The following PDE3B variants were observed in gnomAD, a reference collection of about 807,000 sequenced individuals.
The protein encoded by PDE3B is phosphodiesterase 3B.
A neutral mutation model predicts 116.8 loss-of-function variants in PDE3B; 66 were observed. That is an observed-to-expected ratio of 0.56 (90% CI 0.46 to 0.69). The LOEUF is 0.69. PDE3B is among the 30% of genes least tolerant of loss of function. The probability of loss-of-function intolerance (pLI) is 0.00; values close to 1 mark genes in which losing one functional copy is unlikely to be tolerated. For synonymous variants in PDE3B, 595 were observed against 533.6 expected (o/e 1.12, Z -1.59); for missense variants, 1,384 against 1,368.1 (o/e 1.01, Z -0.18).
chr11:14,882,486 G>A, the PDE3B span, among the ~76,000 whole-genome samples: 1 of 152,086 alleles, frequency 6.6e-6, no homozygotes, highest in African/African-American at 2.4e-5. Flanking sequence ...TACACAAGAA[G>A]GTACAGAGGA....
chr11:14,784,004 T>G (rs1050296013), intron 2 of PDE3B, among the ~76,000 whole-genome samples: 1 of 152,180 alleles, frequency 6.6e-6, no homozygotes, highest in African/African-American at 2.4e-5. Context: ...TAGATTCTCA[T>G]AGGAGCACAA....
At chr11:14,835,872 A>T (rs1465216346) in intron 11 of PDE3B, among the ~76,000 whole-genome samples, 1 of 152,180 alleles carries the variant, frequency 6.6e-6, no homozygotes, top group South Asian at 2.1e-4. Flanking sequence ...AGGTGGGAGG[A>T]TCTCTTGAGC....
intron 1 of PDE3B, among the ~76,000 whole-genome samples, chr11:14,712,163 G>C (rs1418386430): frequency 6.6e-6 from 1 of 152,148 alleles, no homozygotes; most frequent in Admixed American, 6.5e-5. Flanking sequence ...ATAGCTCACT[G>C]TAACCTCCAA....
At chr11:14,756,441 G>A (rs578048943) in intron 1 of PDE3B, among the ~76,000 whole-genome samples, 1 of 152,284 alleles carries the variant, frequency 6.6e-6, no homozygotes, top group South Asian at 2.1e-4. Context: ...GTGGCTTTTG[G>A]TGGAGGAATC....
the PDE3B span, among the ~76,000 whole-genome samples, chr11:14,890,741 G>A: frequency 1.9e-4 from 29 of 151,694 alleles, no homozygotes; most frequent in Admixed American, 1.9e-3. Context: ...GTAGAGATGG[G>A]GTTTCACCGT....
chr11:14,895,700 G>A, the PDE3B span, among the ~76,000 whole-genome samples: 2 of 152,146 alleles, frequency 1.3e-5, no homozygotes, highest in East Asian at 3.8e-4. Flanking sequence ...ACTTTAAAAA[G>A]TCCTCCTCAC....
At chr11:14,898,665 A>G in the PDE3B span, among the ~76,000 whole-genome samples, 1 of 152,170 alleles carries the variant, frequency 6.6e-6, no homozygotes, top group Non-Finnish European at 1.5e-5. Context: ...TGGCGAAAAA[A>G]ACAGCACAGT....
chr11:14,704,764 A>G (rs1447443670), intron 1 of PDE3B, among the ~76,000 whole-genome samples: 4 of 151,704 alleles, frequency 2.6e-5, no homozygotes, highest in African/African-American at 9.7e-5. Context: ...AAAATGTGTC[A>G]TAGACCTAAA....
chr11:14,862,090 C>G (rs1339931831), intron 14 of PDE3B, among the ~76,000 whole-genome samples: 1 of 152,200 alleles, frequency 6.6e-6, no homozygotes, highest in Non-Finnish European at 1.5e-5. Flanking sequence ...ATGCTTGAGC[C>G]CACTCACCCA....
chr11:14,767,724 C>T (rs1009841757), intron 1 of PDE3B, among the ~76,000 whole-genome samples: 1 of 151,184 alleles, frequency 6.6e-6, no homozygotes, highest in Non-Finnish European at 1.5e-5. Context: ...CAAAATTAAC[C>T]TTATAGTTCA....
intron 4 of PDE3B, among the ~76,000 whole-genome samples, chr11:14,793,020 T>A (rs1565139376): frequency 6.6e-6 from 1 of 152,194 alleles, no homozygotes; most frequent in Non-Finnish European, 1.5e-5. Flanking sequence ...TGCATTAAAA[T>A]GAATCTTTGA....
intron 1 of PDE3B, among the ~76,000 whole-genome samples, chr11:14,678,363 T>A (rs772837331): frequency 1.3e-5 from 2 of 151,944 alleles, no homozygotes; most frequent in Non-Finnish European, 2.9e-5. Flanking sequence ...TACCTGAGAG[T>A]GGGATTGCTG....
Position 14,869,678 on chromosome 11 carries a change from GAA to G in PDE3B, c.*21_*22del, listed in dbSNP as rs2133998718. 2 of 1,605,618 alleles carry G rather than the reference GAA, an allele frequency of 1.2e-6. No individual in the cohort carries two copies. The highest frequency in any genetic ancestry group is 2.2e-5 in the East Asian group (1 of 44,796). On this transcript the variant is annotated 3_prime_UTR_variant, in exon 16 of 16. Coordinates refer to ENST00000282096, the MANE Select transcript of PDE3B (RefSeq NM_000922.4). ...AGGAATAGCGACAGTTTGAGTAAAAGAAAAGTCATATTGAAGAAGCCCAGAGG... is the reference window on the plus strand; with the variant it reads ...AGGAATAGCGACAGTTTGAGTAAAAGAAGTCATATTGAAGAAGCCCAGAGG...
chr11:14,795,492 C>T (rs367902808), intron 4 of PDE3B, among the ~76,000 whole-genome samples: 2 of 152,214 alleles, frequency 1.3e-5, no homozygotes, highest in East Asian at 3.9e-4. Context: ...TGGTGCTGGG[C>T]CAGGACATGA....
intron 1 of PDE3B, among the ~76,000 whole-genome samples, chr11:14,742,282 C>A (rs141521721): frequency 0.014 from 2,097 of 152,144 alleles, 21 homozygotes; most frequent in Middle Eastern, 0.044. Context: ...AGGCTTTGTT[C>A]GTTCCTTTTC....
At chr11:14,648,694 T>C (rs1224216411) in intron 1 of PDE3B, among the ~76,000 whole-genome samples, 1 of 152,172 alleles carries the variant, frequency 6.6e-6, no homozygotes, top group African/African-American at 2.4e-5. Flanking sequence ...GTCCACAGGA[T>C]ACTGTTCATG....
intron 5 of PDE3B, among the ~76,000 whole-genome samples, chr11:14,806,594 T>C (rs1198306131): frequency 6.7e-6 from 1 of 149,976 alleles, no homozygotes. Flanking sequence ...GCGCGGTGGC[T>C]CATGCCTGTA....
At chr11:14,649,744 C>T (rs1853514367) in intron 1 of PDE3B, among the ~76,000 whole-genome samples, 1 of 152,162 alleles carries the variant, frequency 6.6e-6, no homozygotes, top group Non-Finnish European at 1.5e-5. Flanking sequence ...GTCGCAAACT[C>T]ATGTACCTAC....
intron 4 of PDE3B, among the ~76,000 whole-genome samples, chr11:14,801,049 C>A (rs545537909): frequency 6.6e-6 from 1 of 152,132 alleles, no homozygotes; most frequent in South Asian, 2.1e-4. Flanking sequence ...GTTAGCAATT[C>A]GTCTGACCTT....
Sources: allele counts gnomAD v4.1 joint callset (sites outside exome capture counted in the v4.1 genomes callset), GRCh38; gene constraint gnomAD v4.1.1; transcripts MANE v1.5; gene names NCBI Gene and HGNC (gene_info 2026-07-23, HGNC 2026-07-21).